Variants in ZEB2 observed in about 807,000 individuals in gnomAD.
The protein encoded by ZEB2 is zinc finger E-box binding homeobox 2, also known as zinc finger E-box-binding homeobox 2.
Under a neutral mutation model 99.9 loss-of-function variants are expected in ZEB2, and 6 were observed. That is an observed-to-expected ratio of 0.06 (90% CI 0.03 to 0.12). The LOEUF (loss-of-function observed/expected upper bound fraction) is 0.12, where lower values mean the gene tolerates loss of function less well. Ranked by LOEUF, ZEB2 falls within the 10% of genes least tolerant of loss-of-function variation. The probability of loss-of-function intolerance (pLI) is 1.00; values close to 1 mark genes in which losing one functional copy is unlikely to be tolerated. For synonymous variants in ZEB2, 517 were observed against 542.5 expected, an observed-to-expected ratio of 0.95 and a Z score of 0.65; for missense variants, 969 against 1,502.8, an observed-to-expected ratio of 0.64 and a Z score of 5.87.
intron 2 of ZEB2, among the ~76,000 whole-genome samples, chr2:144,501,626 T>C (rs1275326823): frequency 6.6e-6 from 1 of 151,994 alleles, no homozygotes; most frequent in East Asian, 1.9e-4. Context: ...GGGTTGGGGG[T>C]TGGGGAAGGA....
chr2:144,461,672 G>A (rs1054350603), intron 2 of ZEB2: 1 of 152,184 alleles, frequency 6.6e-6, no homozygotes, highest in South Asian at 2.1e-4. Context: ...AAAGAGGAAA[G>A]ACATGTCACT....
intron 4 of ZEB2, among the ~76,000 whole-genome samples, chr2:144,422,716 C>T (rs912554490): frequency 4.6e-5 from 7 of 152,182 alleles, no homozygotes; most frequent in African/African-American, 1.2e-4. Context: ...AGGAGAATCG[C>T]TTGAACCTGG....
intron 4 of ZEB2, among the ~76,000 whole-genome samples, chr2:144,410,531 C>T (rs1480068947): frequency 1.3e-5 from 2 of 152,110 alleles, no homozygotes; most frequent in Non-Finnish European, 2.9e-5. Context: ...AATTAGTCAG[C>T]CCCCATAATC....
intron 4 of ZEB2, among the ~76,000 whole-genome samples, chr2:144,405,913 C>A (rs960648338): frequency 1.8e-4 from 28 of 152,152 alleles, no homozygotes; most frequent in African/African-American, 6.5e-4. Context: ...GCTTAGCTAT[C>A]ATAAATAATA....
chr2:144,433,657 A>G (rs1421464368), intron 2 of ZEB2, among the ~76,000 whole-genome samples: 5 of 152,188 alleles, frequency 3.3e-5, no homozygotes, highest in African/African-American at 9.7e-5. Flanking sequence ...TTTATCTATA[A>G]TAAGCATTAT....
intron 4 of ZEB2, among the ~76,000 whole-genome samples, chr2:144,415,040 C>T (rs1320045115): frequency 6.7e-6 from 1 of 149,732 alleles, no homozygotes; most frequent in African/African-American, 2.5e-5. Flanking sequence ...CCTCTGAATC[C>T]TAGACACTTG....
Position 144,517,368 on chromosome 2 carries a change from A to C in ZEB2, c.-18T>G, listed in dbSNP as rs764963313. 9.5e-5 allele frequency: 154 copies of C among 1,613,500 alleles called. No homozygotes were observed. Among genetic ancestry groups the C allele is most frequent in the Non-Finnish European group, 1.3e-4 (152 of 1,179,822 alleles). On this transcript the variant is annotated 5_prime_UTR_variant, in exon 2 of 10. Transcript: ENST00000627532. ...TGCTTCATTGATAAGAGCGGATCAG[A>C]TGGCAGTTCGCATGGACTCGGCGCC...
intron 2 of ZEB2, among the ~76,000 whole-genome samples, chr2:144,477,888 G>A (rs1191647862): frequency 2.0e-5 from 3 of 152,080 alleles, no homozygotes; most frequent in Non-Finnish European, 4.4e-5. Context: ...GGGGTTAAGC[G>A]GAATCACTGT....
At chr2:144,416,213 C>T (rs1703538299) in intron 4 of ZEB2, among the ~76,000 whole-genome samples, 1 of 152,182 alleles carries the variant, frequency 6.6e-6, no homozygotes, top group Non-Finnish European at 1.5e-5. Flanking sequence ...CCCTTTTACC[C>T]ATTCTGATTT....
chr2:144,432,683 C>G (rs1353354427), intron 2 of ZEB2, among the ~76,000 whole-genome samples: 1 of 152,136 alleles, frequency 6.6e-6, no homozygotes, highest in Admixed American at 6.5e-5. Flanking sequence ...AATATTCTTA[C>G]TCTAGAATGG....
chr2:144,413,163 C>A (rs1703487932), intron 4 of ZEB2, among the ~76,000 whole-genome samples: 1 of 152,022 alleles, frequency 6.6e-6, no homozygotes, highest in Admixed American at 6.6e-5. Context: ...TATCTGTATT[C>A]TTTTCAATTA....
At chr2:144,395,502 C>T (rs1046616299) in intron 9 of ZEB2, among the ~76,000 whole-genome samples, 34 of 152,112 alleles carry the variant, frequency 2.2e-4, no homozygotes, top group African/African-American at 7.2e-4. Context: ...TGAGATCCTA[C>T]ACTTTTTCCC....
In ZEB2 at chr2:144,400,096, G is replaced by A. The variant is rs1703290565; in HGVS notation, c.1091C>T (p.Ser364Leu). The A allele has an allele frequency of 1.2e-6, 2 of 1,613,822 alleles. No homozygotes were observed. Among genetic ancestry groups the A allele is most frequent in the African/African-American group, 1.3e-5 (1 of 74,944 alleles). ...PNSVSSSPTN[S>L]AITQLRNKLE... is the part of the protein sequence containing the mutation. Reference sequence around the variant, plus strand: ...CTTGTTTCTTAACTGGGTAATGGCTGAATTAGTAGGAGAAGAAGAAACAGA... The same window carrying A: ...CTTGTTTCTTAACTGGGTAATGGCTAAATTAGTAGGAGAAGAAGAAACAGA... The change falls in exon 8 of 10, where the codon TCA (serine) becomes TTA (leucine). Residue 364 changes from serine (S) to leucine (L), a missense_variant. Transcript: ENST00000627532.
chr2:144,510,235 G>A (rs1003342811), intron 2 of ZEB2, among the ~76,000 whole-genome samples: 21 of 151,866 alleles, frequency 1.4e-4, no homozygotes, highest in African/African-American at 4.8e-4. Context: ...AAAGTCAGGG[G>A]GAAAAATGGG....
At chr2:144,401,404 C>A in intron 6 of ZEB2, 97 bp from the exon 7 acceptor site, 2 of 1,202,742 alleles carry the variant, frequency 1.7e-6, no homozygotes, top group Non-Finnish European at 2.5e-6. Flanking sequence ...TCAGACAGGC[C>A]AAAAGGTTTG....
At chr2:144,447,178 G>T (rs936016694) in intron 2 of ZEB2, among the ~76,000 whole-genome samples, 3 of 152,090 alleles carry the variant, frequency 2.0e-5, no homozygotes, top group African/African-American at 4.8e-5. Flanking sequence ...TTACACGCAA[G>T]ATTTCTCTGG....
rs1214956913 is a variant in ZEB2 at position 144,497,902 on chromosome 2, T to TA, written c.73+19375_73+19376insT. ...CTCAACATATATATATATGTCATTC[T>TA]CAACATATATATTATATATTATATA... is the stretch of plus-strand genomic sequence containing the variant. On this transcript the variant is annotated intron_variant, in intron 2 of 9. Coordinates refer to ENST00000627532, the MANE Select transcript of ZEB2 (RefSeq NM_014795.4). 7 of 8,368 alleles carry TA rather than the reference T, an allele frequency of 8.4e-4. 1 individual carries two copies. Among genetic ancestry groups the TA allele is most frequent in the Admixed American group, 2.5e-3 (1 of 394 alleles). 0.5% of individuals were successfully genotyped at this position (8,368 alleles called of 1,614,324 possible). A position where few individuals can be genotyped will look rare whatever the true frequency, so the allele number is the denominator to read the frequency against.
At chr2:144,493,004 C>T (rs1218231822) in intron 2 of ZEB2, among the ~76,000 whole-genome samples, 1 of 152,168 alleles carries the variant, frequency 6.6e-6, no homozygotes, top group Non-Finnish European at 1.5e-5. Flanking sequence ...AGTGCTGTGA[C>T]AAAAGTCATC....
intron 4 of ZEB2, among the ~76,000 whole-genome samples, chr2:144,411,639 T>A (rs1360156609): frequency 6.6e-6 from 1 of 152,214 alleles, no homozygotes; most frequent in African/African-American, 2.4e-5. Flanking sequence ...TAAAGCCAGG[T>A]CGTCAAGAGC....
Sources: gnomAD v4.1 joint callset for allele counts (sites outside exome capture counted in the v4.1 genomes callset) on GRCh38, gnomAD v4.1.1 for gene constraint, MANE v1.5 for transcripts, NCBI Gene and HGNC (gene_info 2026-07-23, HGNC 2026-07-21) for gene names.